NYAP2: variants seen among roughly 807,000 people sequenced by gnomAD.
The protein encoded by NYAP2 is neuronal tyrosine-phosphorylated phosphoinositide-3-kinase adapter 2.
In NYAP2, 23 loss-of-function variants were observed where a neutral mutation model predicts 50.4. The ratio of observed to expected loss-of-function variants is 0.46; its 90% CI spans 0.33 to 0.65. The LOEUF is 0.65. Ranked by LOEUF, NYAP2 falls within the 30% of genes least tolerant of loss-of-function variation. The pLI, the probability that NYAP2 is intolerant of heterozygous loss-of-function variation, is 0.02. For synonymous variants in NYAP2, 394 were observed against 365.2 expected, an observed-to-expected ratio of 1.08 and a Z score of -0.90; for missense variants, 885 against 861.0, an observed-to-expected ratio of 1.03 and a Z score of -0.35.
chr2:225,672,580 T>C, the NYAP2 span, among the ~76,000 whole-genome samples: 122 of 152,276 alleles, frequency 8.0e-4, no homozygotes, highest in African/African-American at 2.9e-3. Context: ...AACTTTTCCT[T>C]TGCATTCACA....
intron 3 of NYAP2, among the ~76,000 whole-genome samples, chr2:225,432,984 G>A (rs1364915569): frequency 7.2e-5 from 11 of 151,964 alleles, no homozygotes; most frequent in Admixed American, 7.2e-4. Flanking sequence ...GCCCTGGCTG[G>A]GTCACATGAC....
At chr2:225,684,724 T>C in the NYAP2 span, among the ~76,000 whole-genome samples, 1 of 152,078 alleles carries the variant, frequency 6.6e-6, no homozygotes, top group Non-Finnish European at 1.5e-5. Flanking sequence ...ATAATTTTTG[T>C]ACTTTTTGTA....
chr2:225,466,312 T>C (rs1689917548), intron 3 of NYAP2, among the ~76,000 whole-genome samples: 1 of 152,236 alleles, frequency 6.6e-6, no homozygotes, highest in East Asian at 1.9e-4. Context: ...TCATTTTCTG[T>C]GGGTGTCATG....
chr2:225,628,292 A>T (rs1034383854), intron 6 of NYAP2, among the ~76,000 whole-genome samples: 8 of 152,072 alleles, frequency 5.3e-5, no homozygotes, highest in African/African-American at 1.9e-4. Context: ...GTCACAAAGA[A>T]AAAGAAACAT....
At chr2:225,537,145 C>A (rs1254573021) in intron 4 of NYAP2, among the ~76,000 whole-genome samples, 1 of 152,106 alleles carries the variant, frequency 6.6e-6, no homozygotes, top group African/African-American at 2.4e-5. Flanking sequence ...CCCCCTACTA[C>A]CATCCCAGCC....
At chr2:225,672,354 G>A in the NYAP2 span, among the ~76,000 whole-genome samples, 2 of 152,118 alleles carry the variant, frequency 1.3e-5, no homozygotes, top group Admixed American at 1.3e-4. Flanking sequence ...TCTGCTGGCT[G>A]CAAACTTTTC....
chr2:225,590,177 G>A (rs1692472715), intron 5 of NYAP2, among the ~76,000 whole-genome samples: 1 of 152,182 alleles, frequency 6.6e-6, no homozygotes, highest in African/African-American at 2.4e-5. Flanking sequence ...CCTGCTGTTT[G>A]TTGGTTGCTC....
At chr2:225,400,137 C>G (rs977183187) in exon 1 of NYAP2, 1 of 152,078 alleles carries the variant, frequency 6.6e-6, no homozygotes, top group Non-Finnish European at 1.5e-5. Flanking sequence ...TTGCTTCTCC[C>G]TTTTCCAATG....
At chr2:225,668,526 A>T in the NYAP2 span, among the ~76,000 whole-genome samples, 3,587 of 152,246 alleles carry the variant, frequency 0.024, 159 homozygotes, top group African/African-American at 0.082. Context: ...AAGAAATCTA[A>T]TTATGTTTTA....
chr2:225,481,927 A>C (rs1306985240), intron 3 of NYAP2, among the ~76,000 whole-genome samples: 1 of 152,120 alleles, frequency 6.6e-6, no homozygotes, highest in Non-Finnish European at 1.5e-5. Context: ...CATCAATAAC[A>C]ACAACAATTT....
At chr2:225,513,446 G>A in exon 4 of NYAP2, 1 of 1,614,006 alleles carries the variant, frequency 6.2e-7, no homozygotes. Flanking sequence ...TCATGACAAT[G>A]CCTGCTCCTC....
At chr2:225,660,385 A>G in the NYAP2 span, among the ~76,000 whole-genome samples, 3 of 151,386 alleles carry the variant, frequency 2.0e-5, no homozygotes, top group East Asian at 5.8e-4. Flanking sequence ...TTAAGTCTAT[A>G]TAGGAAGCTA....
chr2:225,688,589 A>G, the NYAP2 span, among the ~76,000 whole-genome samples: 1 of 152,208 alleles, frequency 6.6e-6, no homozygotes, highest in East Asian at 1.9e-4. Context: ...TCTTCTCAAG[A>G]AACCTATTTT....
At chr2:225,670,496 C>G in the NYAP2 span, among the ~76,000 whole-genome samples, 6 of 151,480 alleles carry the variant, frequency 4.0e-5, no homozygotes, top group East Asian at 1.2e-3. Context: ...TAAAAAAGAC[C>G]CTTACAAATT....
chr2:225,446,060 A>C (rs969932259), intron 3 of NYAP2, among the ~76,000 whole-genome samples: 1 of 151,764 alleles, frequency 6.6e-6, no homozygotes, highest in African/African-American at 2.4e-5. Flanking sequence ...TCAAGCCTGT[A>C]ATCTCAGCTA....
intron 3 of NYAP2, among the ~76,000 whole-genome samples, chr2:225,473,192 T>G (rs1029879972): frequency 1.3e-5 from 2 of 152,258 alleles, no homozygotes; most frequent in Non-Finnish European, 2.9e-5. Flanking sequence ...CCACATTTTC[T>G]TTATCCAGTC....
intron 4 of NYAP2, among the ~76,000 whole-genome samples, chr2:225,571,105 T>C (rs907835668): frequency 2.0e-5 from 3 of 152,256 alleles, no homozygotes; most frequent in Non-Finnish European, 2.9e-5. Context: ...GATGCAAGAA[T>C]TGGGCTCCCA....
intron 5 of NYAP2, among the ~76,000 whole-genome samples, chr2:225,596,654 T>G (rs1692604956): frequency 6.6e-6 from 1 of 152,210 alleles, no homozygotes; most frequent in African/African-American, 2.4e-5. Flanking sequence ...ATTGCCATGA[T>G]TAACCAATAT....
chr2:225,642,386 T>C (rs1693548314), intron 6 of NYAP2, among the ~76,000 whole-genome samples: 1 of 152,098 alleles, frequency 6.6e-6, no homozygotes, highest in African/African-American at 2.4e-5. Context: ...TATGGAAAAA[T>C]CTTAACATGT....
Sources: allele counts gnomAD v4.1 joint callset (sites outside exome capture counted in the v4.1 genomes callset), GRCh38; gene constraint gnomAD v4.1.1; transcripts MANE v1.5; gene names NCBI Gene and HGNC (gene_info 2026-07-23, HGNC 2026-07-21).